Variants in CACNB2 observed in about 807,000 individuals in gnomAD.
CACNB2 encodes the protein calcium voltage-gated channel auxiliary subunit beta 2, also known as voltage-dependent L-type calcium channel subunit beta-2.
Under a neutral mutation model 73.3 loss-of-function variants are expected in CACNB2, and 42 were observed. The ratio of observed to expected loss-of-function variants is 0.57; its 90% CI spans 0.45 to 0.74. CACNB2 has a LOEUF of 0.74. CACNB2 is among the 30% of genes least tolerant of loss of function. CACNB2 has a pLI of 0.00. For missense variants in CACNB2, 940 were observed against 853.0 expected (o/e 1.10, Z -1.27); for synonymous variants, 348 against 310.3 (o/e 1.12, Z -1.28).
chr10:18,508,103 C>CT (rs1478758320), intron 6 of CACNB2, among the ~76,000 whole-genome samples: 52 of 152,110 alleles, frequency 3.4e-4, no homozygotes, highest in African/African-American at 1.2e-3. Flanking sequence ...TGATCATGGG[C>CT]TTTTTTTGCA....
At chr10:18,240,758 A>G (rs1215837595) in intron 2 of CACNB2, among the ~76,000 whole-genome samples, 1 of 152,052 alleles carries the variant, frequency 6.6e-6, no homozygotes, top group Non-Finnish European at 1.5e-5. Flanking sequence ...TGGTCTCATC[A>G]TTAAGAATCC....
intron 3 of CACNB2, among the ~76,000 whole-genome samples, chr10:18,424,998 T>C (rs148201373): frequency 8.8e-4 from 134 of 152,344 alleles, no homozygotes; most frequent in African/African-American, 3.1e-3. Flanking sequence ...TGATAAAGTA[T>C]GTGTATCTTT....
At chr10:18,408,182 T>C (rs1384176710) in intron 3 of CACNB2, among the ~76,000 whole-genome samples, 1 of 148,426 alleles carries the variant, frequency 6.7e-6, no homozygotes, top group East Asian at 2.0e-4. Context: ...AATTTATACA[T>C]CAACAAAAAG....
chr10:18,501,810 G>A (rs1466121471), intron 5 of CACNB2, among the ~76,000 whole-genome samples: 1 of 152,004 alleles, frequency 6.6e-6, no homozygotes, highest in Non-Finnish European at 1.5e-5. Flanking sequence ...CAGCAGATGA[G>A]TGAAACAGAA....
intron 3 of CACNB2, among the ~76,000 whole-genome samples, chr10:18,448,479 T>TAAAAAAAAAAAAAAAAAAA (rs56255761): frequency 1.9e-4 from 20 of 107,012 alleles, no homozygotes; most frequent in Non-Finnish European, 2.8e-4. Flanking sequence ...CTCTCTCATT[T>TAAAAAAAAAAAAAAAAAAA]AAAAAAAAAA....
At chr10:18,158,241 G>T (rs952567500) in intron 2 of CACNB2, among the ~76,000 whole-genome samples, 1 of 152,132 alleles carries the variant, frequency 6.6e-6, no homozygotes, top group Non-Finnish European at 1.5e-5. Flanking sequence ...CATATTTATG[G>T]CACCTAGTTT....
chr10:18,426,867 A>T (rs115467353), intron 3 of CACNB2, among the ~76,000 whole-genome samples: 1 of 151,648 alleles, frequency 6.6e-6, no homozygotes, highest in Non-Finnish European at 1.5e-5. Context: ...TTAGCATGTT[A>T]AGGAAGTTTT....
chr10:18,276,950 A>C (rs1405729738), intron 2 of CACNB2, among the ~76,000 whole-genome samples: 1 of 152,152 alleles, frequency 6.6e-6, no homozygotes, highest in Non-Finnish European at 1.5e-5. Flanking sequence ...CCATCTCCAC[A>C]AAAAAATTAA....
intron 3 of CACNB2, among the ~76,000 whole-genome samples, chr10:18,469,843 C>T (rs1436449942): frequency 6.6e-6 from 1 of 152,106 alleles, no homozygotes; most frequent in Non-Finnish European, 1.5e-5. Context: ...CTAAATCCTC[C>T]CTACTCTTTA....
At chr10:18,380,755 A>T (rs1453106307) in intron 2 of CACNB2, among the ~76,000 whole-genome samples, 2 of 152,036 alleles carry the variant, frequency 1.3e-5, no homozygotes, top group Non-Finnish European at 2.9e-5. Flanking sequence ...ACGCCCCGCC[A>T]AAACATGTAT....
chr10:18,261,314 C>G, intron 2 of CACNB2: 4 of 1,551,538 alleles, frequency 2.6e-6, no homozygotes, highest in Non-Finnish European at 3.5e-6. Context: ...TACGGGTGTC[C>G]TATGTAAGTT....
chr10:18,344,914 T>C (rs1489971487), intron 2 of CACNB2, among the ~76,000 whole-genome samples: 1 of 152,222 alleles, frequency 6.6e-6, no homozygotes, highest in African/African-American at 2.4e-5. Flanking sequence ...GCATACATAT[T>C]TTTATAGTTG....
chr10:18,191,155 T>C (rs1010816178), intron 2 of CACNB2, among the ~76,000 whole-genome samples: 3 of 152,244 alleles, frequency 2.0e-5, no homozygotes, highest in Non-Finnish European at 4.4e-5. Context: ...CAGGACTCAG[T>C]AGCTGGATAT....
chr10:18,314,691 C>G (rs2040092379), intron 2 of CACNB2, among the ~76,000 whole-genome samples: 1 of 151,626 alleles, frequency 6.6e-6, no homozygotes, highest in African/African-American at 2.4e-5. Context: ...AACATTTTTT[C>G]ATACACATGA....
intron 3 of CACNB2, among the ~76,000 whole-genome samples, chr10:18,421,092 A>G (rs965155478): frequency 2.0e-5 from 3 of 152,144 alleles, no homozygotes; most frequent in Non-Finnish European, 4.4e-5. Context: ...ATGTATGTAA[A>G]ATATCTTCAT....
chr10:18,236,319 A>G (rs1281622641), intron 2 of CACNB2, among the ~76,000 whole-genome samples: 1 of 152,200 alleles, frequency 6.6e-6, no homozygotes, highest in Non-Finnish European at 1.5e-5. Flanking sequence ...CTGCTACAGT[A>G]CCACCTAGTC....
intron 2 of CACNB2, among the ~76,000 whole-genome samples, chr10:18,331,273 C>A (rs528449274): frequency 6.6e-6 from 1 of 151,874 alleles, no homozygotes. Flanking sequence ...CATGAGCCAC[C>A]GTGCCTGGCC....
rs139566724 is a variant in CACNB2, at chr10:18,484,904, G to T, written c.334-13451G>T. Among the ~76,000 whole-genome samples the T allele has an allele frequency of 1.3e-4, 20 of 152,202 alleles. No homozygotes were observed. The East Asian group carries it at 3.9e-3, about 29-fold the overall frequency. ...GCGCGATGGCTCACGCCTGTAATCT[G>T]AGCACTTTGGAAGGCTGATGCAGGC... is the stretch of plus-strand genomic sequence containing the variant. On this transcript the variant is annotated intron_variant, in intron 3 of 13. Transcript: ENST00000324631.
At chr10:18,250,345 G>A (rs981307324) in intron 2 of CACNB2, among the ~76,000 whole-genome samples, 8 of 152,194 alleles carry the variant, frequency 5.3e-5, no homozygotes, top group Non-Finnish European at 8.8e-5. Flanking sequence ...GCCACTCAAC[G>A]GGCTTCATCC....
Sources: gnomAD v4.1 joint callset for allele counts (sites outside exome capture counted in the v4.1 genomes callset) on GRCh38, gnomAD v4.1.1 for gene constraint, MANE v1.5 for transcripts, NCBI Gene and HGNC (gene_info 2026-07-23, HGNC 2026-07-21) for gene names.